Variants in CNTN5 observed in about 807,000 individuals in gnomAD.
The protein encoded by CNTN5 is contactin 5, also known as contactin-5.
Under a neutral mutation model 129.1 loss-of-function variants are expected in CNTN5, and 77 were observed. The observed-to-expected ratio is 0.60, with a 90% CI of 0.50 to 0.72. The LOEUF is 0.72. CNTN5 is among the 30% of genes least tolerant of loss of function. The probability of loss-of-function intolerance (pLI) is 0.00; values close to 1 mark genes in which losing one functional copy is unlikely to be tolerated. For missense variants in CNTN5, 1,478 were observed against 1,328.8 expected (o/e 1.11, Z -1.75); for synonymous variants, 509 against 465.6 (o/e 1.09, Z -1.20).
At chr11:99,264,384 T>C (rs889975603) in intron 1 of CNTN5, among the ~76,000 whole-genome samples, 1 of 152,060 alleles carries the variant, frequency 6.6e-6, no homozygotes. Context: ...GATAAAAACA[T>C]CTATCATATA....
intron 9 of CNTN5, among the ~76,000 whole-genome samples, chr11:100,018,236 A>G (rs1245930197): frequency 6.6e-6 from 1 of 151,932 alleles, no homozygotes; most frequent in Non-Finnish European, 1.5e-5. Context: ...ACCATCGCAC[A>G]ATCCACATAA....
At chr11:100,010,168 G>A (rs1402035419) in intron 9 of CNTN5, among the ~76,000 whole-genome samples, 1 of 152,106 alleles carries the variant, frequency 6.6e-6, no homozygotes, top group Non-Finnish European at 1.5e-5. Context: ...TCTAAATGCA[G>A]TATATAATTA....
At chr11:100,012,168 A>C (rs1424386158) in intron 9 of CNTN5, among the ~76,000 whole-genome samples, 1 of 152,178 alleles carries the variant, frequency 6.6e-6, no homozygotes, top group Admixed American at 6.6e-5. Context: ...TGCATTACAG[A>C]ATCAAGAAAA....
chr11:99,733,791 C>G (rs1344239550), intron 3 of CNTN5, among the ~76,000 whole-genome samples: 1 of 152,122 alleles, frequency 6.6e-6, no homozygotes, highest in African/African-American at 2.4e-5. Flanking sequence ...CTTTCACACA[C>G]CAACAATCAT....
chr11:100,327,946 A>T (rs1394567455), intron 21 of CNTN5, among the ~76,000 whole-genome samples: 1 of 152,192 alleles, frequency 6.6e-6, no homozygotes, highest in African/African-American at 2.4e-5. Flanking sequence ...CAGAAAATAG[A>T]GTGGTGTCTA....
At chr11:99,195,781 G>A (rs7940352) in intron 1 of CNTN5, among the ~76,000 whole-genome samples, 7,561 of 151,964 alleles carry the variant, frequency 0.05, 625 homozygotes, top group African/African-American at 0.17. Flanking sequence ...GTGGGTGTTT[G>A]CAGTATTCTA....
At chr11:99,657,983 A>G (rs1952442710) in intron 3 of CNTN5, among the ~76,000 whole-genome samples, 1 of 152,156 alleles carries the variant, frequency 6.6e-6, no homozygotes, top group South Asian at 2.1e-4. Flanking sequence ...ATATGCTTTT[A>G]AAACAAAGTT....
intron 3 of CNTN5, among the ~76,000 whole-genome samples, chr11:99,783,520 C>G (rs1227907327): frequency 1.6e-5 from 1 of 63,828 alleles, no homozygotes; most frequent in Admixed American, 1.8e-4. Context: ...CACATGCACA[C>G]GTATGTTTAT....
In CNTN5 at chr11:100,004,092, G is replaced by A. The variant is rs907243015; in HGVS notation, c.980+1956G>A. The A allele has an allele frequency of 8.5e-5, 13 of 152,270 alleles. No individual in the cohort carries two copies. The East Asian group carries it at 1.7e-3, about 20-fold the overall frequency. The allele number at this position is 152,270 out of a possible 1,614,324, so 9.4% of individuals were successfully genotyped here. ...TGCAAATTAATTCCTGAGCATCCGCGTGGCTCCCACAGCTCACTTGAGCTG... is the reference window on the plus strand; with the variant it reads ...TGCAAATTAATTCCTGAGCATCCGCATGGCTCCCACAGCTCACTTGAGCTG... On this transcript the variant is annotated intron_variant, in intron 9 of 24. Transcript: ENST00000524871.
chr11:99,894,891 A>G lies in CNTN5; in HGVS notation c.578-21163A>G, dbSNP rs1036757827. The stretch of plus-strand genomic sequence containing the variant: ...GCTTACTGAAAAAACATAGGAAGAC[A>G]TATTGTCCTTCCTCATGGCATACCA... On this transcript the variant is annotated intron_variant, in intron 6 of 24. Coordinates refer to ENST00000524871, the MANE Select transcript of CNTN5 (RefSeq NM_014361.4). 3.9e-5 allele frequency among the ~76,000 whole-genome samples: 6 copies of G among 152,202 alleles called. No individual in the cohort carries two copies. The South Asian group carries it at 1.2e-3, about 31-fold the overall frequency.
intron 8 of CNTN5, among the ~76,000 whole-genome samples, chr11:99,978,193 A>G (rs534097958): frequency 6.6e-6 from 1 of 152,350 alleles, no homozygotes; most frequent in African/African-American, 2.4e-5. Flanking sequence ...TAGAATAAAG[A>G]TCTAAAGAAA....
intron 9 of CNTN5, among the ~76,000 whole-genome samples, chr11:100,052,926 A>C (rs1303515529): frequency 1.3e-5 from 2 of 151,682 alleles, no homozygotes; most frequent in African/African-American, 4.8e-5. Flanking sequence ...AAAGTCCATC[A>C]AAAAAATGCC....
chr11:100,142,263 A>G (rs1049043571), intron 13 of CNTN5, among the ~76,000 whole-genome samples: 1 of 152,112 alleles, frequency 6.6e-6, no homozygotes, highest in African/African-American at 2.4e-5. Context: ...AGCCTCCATA[A>G]TGGCATAAGC....
intron 4 of CNTN5, among the ~76,000 whole-genome samples, chr11:99,835,065 T>C (rs559313628): frequency 2.6e-4 from 40 of 152,298 alleles, no homozygotes; most frequent in Non-Finnish European, 5.3e-4. Flanking sequence ...TTTCAAAAAG[T>C]TTATGTTCCC....
intron 13 of CNTN5, among the ~76,000 whole-genome samples, chr11:100,128,468 G>A (rs1163903155): frequency 6.6e-6 from 1 of 152,076 alleles, no homozygotes; most frequent in African/African-American, 2.4e-5. Flanking sequence ...ACTTTACATG[G>A]CAAAGTGTTG....
intron 9 of CNTN5, among the ~76,000 whole-genome samples, chr11:100,045,077 A>G (rs1942596658): frequency 6.6e-6 from 1 of 151,804 alleles, no homozygotes; most frequent in South Asian, 2.1e-4. Context: ...CACATCGTGT[A>G]TCTACTTACC....
chr11:99,971,003 A>G (rs10082676), intron 8 of CNTN5, among the ~76,000 whole-genome samples: 85,014 of 152,014 alleles, frequency 0.56, 24,500 homozygotes, highest in African/African-American at 0.67. Flanking sequence ...AGATCATGAA[A>G]TTAGTTACTT....
chr11:99,520,073 G>A (rs775773426), intron 2 of CNTN5, among the ~76,000 whole-genome samples: 3 of 151,876 alleles, frequency 2.0e-5, no homozygotes, highest in South Asian at 2.1e-4. Flanking sequence ...TTTATTTTAC[G>A]CTCACCCTGG....
At chr11:99,678,178 G>C (rs887037453) in intron 3 of CNTN5, among the ~76,000 whole-genome samples, 1 of 151,946 alleles carries the variant, frequency 6.6e-6, no homozygotes, top group Admixed American at 6.6e-5. Flanking sequence ...TTTTAAAGTG[G>C]TTCCCTCAAT....
Sources: gnomAD v4.1 joint callset for allele counts (sites outside exome capture counted in the v4.1 genomes callset) on GRCh38, gnomAD v4.1.1 for gene constraint, MANE v1.5 for transcripts, NCBI Gene and HGNC (gene_info 2026-07-23, HGNC 2026-07-21) for gene names.